The following NAV2 variants were observed in gnomAD, a reference collection of about 807,000 sequenced individuals.
The protein encoded by NAV2 is helicase, APC down-regulated 1.
NAV2 carries 54 observed loss-of-function variants against 223.2 expected under a neutral mutation model. That is an observed-to-expected ratio of 0.24 (90% CI 0.19 to 0.30). NAV2 has a LOEUF of 0.30. Ranked by LOEUF, NAV2 falls within the 10% of genes least tolerant of loss-of-function variation. NAV2 has a pLI of 1.00. For missense variants in NAV2, 2,806 were observed against 3,147.5 expected, an observed-to-expected ratio of 0.89 and a Z score of 2.60; for synonymous variants, 1,279 against 1,239.3, an observed-to-expected ratio of 1.03 and a Z score of -0.67.
At chr11:19,779,136 T>C (rs1370619749) in intron 1 of NAV2, among the ~76,000 whole-genome samples, 2 of 152,128 alleles carry the variant, frequency 1.3e-5, no homozygotes, top group Admixed American at 6.5e-5. Context: ...CTTTATTGGG[T>C]CTGCCTGAAT....
At chr11:19,748,974 T>A (rs2053590406) in intron 1 of NAV2, among the ~76,000 whole-genome samples, 1 of 152,240 alleles carries the variant, frequency 6.6e-6, no homozygotes, top group South Asian at 2.1e-4. Flanking sequence ...AACTTGGAGC[T>A]TCTAACTCTC....
Position 19,679,420 on chromosome 11 carries a change from G to A in NAV2, c.76-153064G>A, listed in dbSNP as rs1283042922. Among the ~76,000 whole-genome samples the A allele has an allele frequency of 4.5e-4, 9 of 19,956 alleles. 1 individual carries two copies. The highest frequency in any genetic ancestry group is 5.2e-4 in the African/African-American group (9 of 17,242). The allele number at this position is 19,956 out of a possible 152,430, so 13.1% of individuals were successfully genotyped here. ...CACTCCAGCCTGGGCAACAGAACGA[G>A]ACTCTGTCTCAAAAAAACACAAAAA... On this transcript the variant is annotated intron_variant, in intron 1 of 37. Transcript: ENST00000360655.
chr11:19,609,684 G>A (rs2046581746), intron 1 of NAV2, among the ~76,000 whole-genome samples: 1 of 152,194 alleles, frequency 6.6e-6, no homozygotes, highest in South Asian at 2.1e-4. Flanking sequence ...GCCTCACCCA[G>A]CCTTAACTGC....
chr11:19,966,629 C>G (rs1396346198), intron 10 of NAV2, among the ~76,000 whole-genome samples: 1 of 152,176 alleles, frequency 6.6e-6, no homozygotes, highest in Non-Finnish European at 1.5e-5. Flanking sequence ...TGAGTCTGCT[C>G]TGTCCATAAA....
At chr11:19,930,949 C>T (rs918777262) in intron 6 of NAV2, among the ~76,000 whole-genome samples, 2 of 152,150 alleles carry the variant, frequency 1.3e-5, no homozygotes, top group African/African-American at 4.8e-5. Context: ...TAAAAGTGCT[C>T]TTGTTGTTTA....
intron 28 of NAV2, among the ~76,000 whole-genome samples, chr11:20,092,795 C>A (rs753696230): frequency 6.6e-6 from 1 of 152,276 alleles, no homozygotes; most frequent in Middle Eastern, 3.4e-3. Flanking sequence ...TCTTTGTAAG[C>A]GTATTAAGGC....
At chr11:20,090,832 C>T in intron 26 of NAV2, 33 bp from the exon 27 acceptor site, 1 of 1,607,120 alleles carries the variant, frequency 6.2e-7, no homozygotes, top group Non-Finnish European at 8.5e-7. Flanking sequence ...CTAAAAGGAG[C>T]TGCTTTCATC....
rs184077310 is a variant in NAV2 at position 19,606,711 on chromosome 11, T to G, written c.76-225773T>G. Among the ~76,000 whole-genome samples the G allele has an allele frequency of 4.6e-5, 7 of 152,362 alleles. No individual in the cohort carries two copies. In the East Asian group the frequency reaches 1.2e-3, roughly 25 times the overall value. ...AAGTGGAAGCACTCTAAATTACCTC[T>G]GCCAAGAGATATGACACCCAGAACA... is the stretch of plus-strand genomic sequence containing the variant. On this transcript the variant is annotated intron_variant, in intron 1 of 37. Transcript: ENST00000360655.
chr11:19,725,542 C>T (rs1380761059), intron 1 of NAV2, among the ~76,000 whole-genome samples: 2 of 152,196 alleles, frequency 1.3e-5, no homozygotes, highest in South Asian at 4.1e-4. Context: ...GGAAAGTACT[C>T]CTAAACTAGA....
At position 19,730,793 on chromosome 11, in the gene NAV2, A is replaced by AG. The variant is rs767137188; in HGVS notation, c.267+16835dup. 1.2e-4 allele frequency among the ~76,000 whole-genome samples: 18 copies of AG among 151,806 alleles called. No individual in the cohort carries two copies. In the East Asian group the frequency reaches 1.5e-3, roughly 13 times the overall value. Reference sequence around the variant, plus strand: ...TCCTTCTAGTGTCCCCTTGGTCCTCAGGGGCATTCTTTTCAGCCTGATTGG... The same window carrying AG: ...TCCTTCTAGTGTCCCCTTGGTCCTCAGGGGGCATTCTTTTCAGCCTGATTGG... On this transcript the variant is annotated intron_variant, in intron 1 of 37. Transcript: ENST00000349880.
chr11:19,845,855 A>G (rs2060776396), intron 3 of NAV2, among the ~76,000 whole-genome samples: 1 of 152,146 alleles, frequency 6.6e-6, no homozygotes, highest in Non-Finnish European at 1.5e-5. Context: ...GTACTTTTAG[A>G]CTGTCAATCA....
chr11:19,428,650 C>A (rs867802447), intron 1 of NAV2, among the ~76,000 whole-genome samples: 1 of 152,198 alleles, frequency 6.6e-6, no homozygotes, highest in African/African-American at 2.4e-5. Flanking sequence ...AAACCTTGAG[C>A]TCTATTTGTT....
At position 19,478,494 on chromosome 11, in the gene NAV2, A is replaced by G. The variant is rs150965613; in HGVS notation, c.75+127467A>G. 3.2e-3 allele frequency among the ~76,000 whole-genome samples: 490 copies of G among 152,346 alleles called. 2 individuals carry two copies. Among genetic ancestry groups the G allele is most frequent in the Non-Finnish European group, 5.2e-3 (351 of 68,026 alleles). Reference sequence around the variant, plus strand: ...GCAAGGACCTTGCAGACTAAAGCAGAAGGAAAAACAAGAAATGGGGAGGAT... The same window carrying G: ...GCAAGGACCTTGCAGACTAAAGCAGGAGGAAAAACAAGAAATGGGGAGGAT... On this transcript the variant is annotated intron_variant, in intron 1 of 37. Coordinates refer to the NAV2 transcript ENST00000360655.
rs557817193 is a variant in NAV2 at position 19,768,876 on chromosome 11, T to C, written c.267+54914T>C. ...TGATTTATATAAAGCACTTAGATAGTGCCTAGGACTTTTGCTAATAATAAC... is the reference window on the plus strand; with the variant it reads ...TGATTTATATAAAGCACTTAGATAGCGCCTAGGACTTTTGCTAATAATAAC... On this transcript the variant is annotated intron_variant, in intron 1 of 37. Coordinates refer to ENST00000349880, the MANE Select transcript of NAV2 (RefSeq NM_145117.5). Among the ~76,000 whole-genome samples, 7 of 152,348 alleles carry C rather than the reference T, an allele frequency of 4.6e-5. No homozygotes were observed. The South Asian group carries it at 1.2e-3, about 27-fold the overall frequency.
chr11:20,051,170 A>G, intron 16 of NAV2, 119 bp from the exon 17 acceptor site: 1 of 800,042 alleles, frequency 1.2e-6, no homozygotes, highest in Non-Finnish European at 2.2e-6. Context: ...TGGATAAGGC[A>G]CTTCCTGGTG....
At chr11:19,792,572 G>A (rs1026024438) in intron 1 of NAV2, among the ~76,000 whole-genome samples, 3 of 152,204 alleles carry the variant, frequency 2.0e-5, no homozygotes, top group African/African-American at 7.2e-5. Flanking sequence ...GAGGAAGCTG[G>A]GAGGAAAAGG....
intron 1 of NAV2, among the ~76,000 whole-genome samples, chr11:19,638,907 C>T (rs1410743166): frequency 1.3e-5 from 2 of 152,172 alleles, no homozygotes; most frequent in East Asian, 1.9e-4. Flanking sequence ...GCAGGAGACT[C>T]GCTTGAACCT....
chr11:19,814,868 C>T (rs1338226129), intron 1 of NAV2, among the ~76,000 whole-genome samples: 1 of 152,164 alleles, frequency 6.6e-6, no homozygotes, highest in East Asian at 1.9e-4. Flanking sequence ...ACCCTCCCCT[C>T]CTAAAACTTA....
chr11:19,800,672 G>GGTGTGTGTGT lies in NAV2; in HGVS notation c.268-31787_268-31778dup, dbSNP rs142402876. On this transcript the variant is annotated intron_variant, in intron 1 of 37. Transcript: ENST00000349880. ...AAAAAGAGAGAAAAAAAGGAGAATG[G>GGTGTGTGTGT]GTGTGTGTGTGTGTGTGTGTGTGTG... 9.1e-3 allele frequency among the ~76,000 whole-genome samples: 1,331 copies of GGTGTGTGTGT among 145,922 alleles called. 12 individuals carry two copies. The highest frequency in any genetic ancestry group is 0.018 in the Middle Eastern group (5 of 280).
Sources: gnomAD v4.1 joint callset for allele counts (sites outside exome capture counted in the v4.1 genomes callset) on GRCh38, gnomAD v4.1.1 for gene constraint, MANE v1.5 for transcripts, NCBI Gene and HGNC (gene_info 2026-07-23, HGNC 2026-07-21) for gene names.